The following GABRG3 variants were observed in gnomAD, a reference collection of about 807,000 sequenced individuals.
GABRG3 encodes the protein gamma-aminobutyric acid receptor subunit gamma-3.
In GABRG3, 25 loss-of-function variants were observed where a neutral mutation model predicts 48.8. The observed-to-expected ratio is 0.51, with a 90% confidence interval of 0.37 to 0.72. The LOEUF (loss-of-function observed/expected upper bound fraction) is 0.72. GABRG3 is among the 30% of genes least tolerant of loss of function. GABRG3 has a pLI of 0.00. For missense variants in GABRG3, 394 were observed against 577.9 expected, an observed-to-expected ratio of 0.68 and a Z score of 3.26; for synonymous variants, 227 against 217.6, an observed-to-expected ratio of 1.04 and a Z score of -0.38.
At chr15:27,038,481 G>A (rs1404868113) in intron 3 of GABRG3, among the ~76,000 whole-genome samples, 1 of 152,046 alleles carries the variant, frequency 6.6e-6, no homozygotes, top group Non-Finnish European at 1.5e-5. Flanking sequence ...CGTGGTAGGT[G>A]TGCCCACCAC....
At chr15:27,526,565 C>T (rs1891282009) in intron 7 of GABRG3, among the ~76,000 whole-genome samples, 1 of 152,096 alleles carries the variant, frequency 6.6e-6, no homozygotes, top group Non-Finnish European at 1.5e-5. Flanking sequence ...ATGATAATCA[C>T]TCTTCTTCAT....
intron 3 of GABRG3, among the ~76,000 whole-genome samples, chr15:27,314,776 A>G (rs1893154598): frequency 6.6e-6 from 1 of 152,222 alleles, no homozygotes; most frequent in Non-Finnish European, 1.5e-5. Context: ...CCTTAAGAAC[A>G]TCTTCTAAAT....
At chr15:27,312,681 G>A (rs1203559422) in intron 3 of GABRG3, among the ~76,000 whole-genome samples, 1 of 152,104 alleles carries the variant, frequency 6.6e-6, no homozygotes, top group African/African-American at 2.4e-5. Flanking sequence ...ACTGTGCCTG[G>A]CAAAACTGCC....
intron 5 of GABRG3, among the ~76,000 whole-genome samples, chr15:27,387,067 T>C (rs12907188): frequency 0.4 from 60,625 of 152,020 alleles, 12,294 homozygotes; most frequent in East Asian, 0.49. Context: ...AGAGAGTTAC[T>C]TGTGTACCCT....
intron 3 of GABRG3, among the ~76,000 whole-genome samples, chr15:27,221,495 G>A (rs997277052): frequency 2.0e-5 from 3 of 152,132 alleles, no homozygotes; most frequent in African/African-American, 7.2e-5. Context: ...CTAATTTTTA[G>A]TTTGAAAATA....
chr15:27,106,327 G>T (rs1897449142), intron 3 of GABRG3, among the ~76,000 whole-genome samples: 1 of 151,926 alleles, frequency 6.6e-6, no homozygotes, highest in African/African-American at 2.4e-5. Context: ...TTGTTAATTT[G>T]CTTTACTATA....
At chr15:27,005,428 T>C (rs1041176118) in intron 2 of GABRG3, among the ~76,000 whole-genome samples, 9 of 152,262 alleles carry the variant, frequency 5.9e-5, no homozygotes, top group African/African-American at 1.9e-4. Flanking sequence ...TTTTTTTCTT[T>C]AGATATTATT....
At chr15:27,176,917 C>T (rs749928371) in intron 3 of GABRG3, among the ~76,000 whole-genome samples, 5 of 152,158 alleles carry the variant, frequency 3.3e-5, no homozygotes, top group African/African-American at 4.8e-5. Flanking sequence ...CACTGTCTAA[C>T]CACCCGACAG....
In GABRG3 at chr15:27,420,256, C is replaced by A. The variant is rs556076029; in HGVS notation, c.575-60394C>A. On this transcript the variant is annotated intron_variant, in intron 5 of 9. Transcript: ENST00000615808. ...TTTAAATTATTAAAATAATATAAAT[C>A]TCACTAAGAAAAATGCAGGAAAAAG... Among the ~76,000 whole-genome samples, 7 of 152,166 alleles carry A rather than the reference C, an allele frequency of 4.6e-5. No individual in the cohort carries two copies. In the East Asian group the frequency reaches 9.6e-4, roughly 21 times the overall value.
intron 5 of GABRG3, among the ~76,000 whole-genome samples, chr15:27,473,499 T>C (rs1186832308): frequency 6.6e-6 from 1 of 152,230 alleles, no homozygotes. Flanking sequence ...GCCACTGAAA[T>C]TATAAACGTC....
At chr15:27,295,094 G>A (rs549163580) in intron 3 of GABRG3, 16 of 152,138 alleles carry the variant, frequency 1.1e-4, no homozygotes, top group Non-Finnish European at 1.9e-4. Context: ...TCCATTCATG[G>A]TGAATGAAAG....
chr15:27,530,393 T>G (rs1891394183), intron 9 of GABRG3, among the ~76,000 whole-genome samples: 1 of 152,170 alleles, frequency 6.6e-6, no homozygotes, highest in South Asian at 2.1e-4. Flanking sequence ...AGTTTGAAAT[T>G]TTCATGACAA....
At chr15:27,110,143 A>G (rs1399727704) in intron 3 of GABRG3, among the ~76,000 whole-genome samples, 2 of 151,818 alleles carry the variant, frequency 1.3e-5, no homozygotes, top group Non-Finnish European at 2.9e-5. Context: ...AGCTTTTTAT[A>G]TGATTTCATT....
At chr15:27,109,524 G>A (rs1204502466) in intron 3 of GABRG3, among the ~76,000 whole-genome samples, 1 of 152,156 alleles carries the variant, frequency 6.6e-6, no homozygotes, top group Non-Finnish European at 1.5e-5. Context: ...ACCAATGATT[G>A]TTTTCCTGTC....
chr15:27,272,223 A>C (rs1382863003), intron 3 of GABRG3, among the ~76,000 whole-genome samples: 1 of 152,202 alleles, frequency 6.6e-6, no homozygotes, highest in African/African-American at 2.4e-5. Context: ...AGTTTTAGCT[A>C]TTCTCACAAG....
At chr15:27,231,036 T>C (rs972814559) in intron 3 of GABRG3, among the ~76,000 whole-genome samples, 1 of 151,846 alleles carries the variant, frequency 6.6e-6, no homozygotes, top group East Asian at 1.9e-4. Flanking sequence ...TGTGTGTGTG[T>C]GTGTGTGTGT....
chr15:27,269,523 C>A (rs775144260), intron 3 of GABRG3, among the ~76,000 whole-genome samples: 1 of 152,176 alleles, frequency 6.6e-6, no homozygotes, highest in Admixed American at 6.5e-5. Context: ...ACTGTGTTCT[C>A]GCTCTTGTGT....
chr15:27,136,852 C>T (rs148983691), intron 3 of GABRG3, among the ~76,000 whole-genome samples: 505 of 152,236 alleles, frequency 3.3e-3, no homozygotes, highest in Non-Finnish European at 5.4e-3. Flanking sequence ...CACATTTCTC[C>T]GATGACTGCT....
chr15:27,140,202 C>CT (rs1252047303), intron 3 of GABRG3, among the ~76,000 whole-genome samples: 2 of 152,190 alleles, frequency 1.3e-5, no homozygotes, highest in Non-Finnish European at 2.9e-5. Context: ...TAACTTGAAG[C>CT]TGGCTGAGGG....
Sources: allele counts gnomAD v4.1 joint callset (sites outside exome capture counted in the v4.1 genomes callset), GRCh38; gene constraint gnomAD v4.1.1; transcripts MANE v1.5; gene names NCBI Gene and HGNC (gene_info 2026-07-23, HGNC 2026-07-21).